Variants in GABRG3 observed in about 807,000 individuals in gnomAD.
The protein encoded by GABRG3 is gamma-aminobutyric acid type A receptor subunit gamma3, also known as gamma-aminobutyric acid receptor subunit gamma-3.
GABRG3 carries 25 observed loss-of-function variants against 48.8 expected under a neutral mutation model. That is an observed-to-expected ratio of 0.51 (90% CI 0.37 to 0.72). The LOEUF (loss-of-function observed/expected upper bound fraction) is 0.72. Ranked by LOEUF, GABRG3 falls within the 30% of genes least tolerant of loss-of-function variation. GABRG3 has a pLI of 0.00. For synonymous variants in GABRG3, 227 were observed against 217.6 expected (o/e 1.04, Z -0.38); for missense variants, 394 against 577.9 (o/e 0.68, Z 3.26).
At chr15:27,196,496 C>T (rs1469233465) in intron 3 of GABRG3, among the ~76,000 whole-genome samples, 1 of 152,190 alleles carries the variant, frequency 6.6e-6, no homozygotes, top group African/African-American at 2.4e-5. Context: ...AACCTCCTCC[C>T]CAGGGAATTA....
At chr15:27,025,667 G>A (rs1259734094) in intron 2 of GABRG3, among the ~76,000 whole-genome samples, 2 of 152,204 alleles carry the variant, frequency 1.3e-5, no homozygotes, top group Admixed American at 6.5e-5. Flanking sequence ...TTACGAGACC[G>A]AGAGCTCAGA....
chr15:27,244,105 G>T (rs550458232), intron 3 of GABRG3, among the ~76,000 whole-genome samples: 11 of 152,174 alleles, frequency 7.2e-5, no homozygotes, highest in Admixed American at 6.5e-5. Context: ...AAGAGGTAAG[G>T]TTGAAAATAT....
chr15:27,298,337 A>T (rs1246087232), intron 3 of GABRG3, among the ~76,000 whole-genome samples: 1 of 152,146 alleles, frequency 6.6e-6, no homozygotes, highest in Non-Finnish European at 1.5e-5. Flanking sequence ...TTTTGCCAAA[A>T]TCAAGGACGT....
intron 3 of GABRG3, among the ~76,000 whole-genome samples, chr15:27,237,991 A>G (rs781423827): frequency 2.6e-5 from 4 of 152,218 alleles, no homozygotes; most frequent in African/African-American, 9.7e-5. Flanking sequence ...GGGAAGAAGG[A>G]AAGAAGGAGA....
intron 3 of GABRG3, among the ~76,000 whole-genome samples, chr15:27,249,332 A>G (rs1450553081): frequency 6.6e-6 from 1 of 152,166 alleles, no homozygotes; most frequent in Non-Finnish European, 1.5e-5. Context: ...GCATCCCAGA[A>G]GCCCCCAGAT....
chr15:27,040,968 G>A (rs1896266366), intron 3 of GABRG3, among the ~76,000 whole-genome samples: 1 of 152,160 alleles, frequency 6.6e-6, no homozygotes, highest in Admixed American at 6.5e-5. Context: ...GCCTCTCTGT[G>A]AGGTGTGCTC....
rs566187070 is a variant in GABRG3 at position 27,061,653 on chromosome 15, T to A, written c.270+34832T>A. On this transcript the variant is annotated intron_variant, in intron 3 of 9. Coordinates refer to ENST00000615808, the MANE Select transcript of GABRG3 (RefSeq NM_033223.5). ...TTTCAAAGAAAATGCTCAAGTTGAT[T>A]GATGGGGCAAGTCTCCCTATCTCCT... Among the ~76,000 whole-genome samples, 3 of 152,218 alleles carry A rather than the reference T, an allele frequency of 2.0e-5. No individual in the cohort carries two copies. The South Asian group carries it at 6.2e-4, about 32-fold the overall frequency.
intron 5 of GABRG3, among the ~76,000 whole-genome samples, chr15:27,459,846 T>G (rs2150835019): frequency 6.6e-6 from 1 of 152,286 alleles, no homozygotes; most frequent in Middle Eastern, 3.4e-3. Flanking sequence ...TCCCTCTCAT[T>G]TCTTGCTAGC....
At chr15:27,030,100 G>A (rs549137617) in intron 3 of GABRG3, among the ~76,000 whole-genome samples, 7 of 152,254 alleles carry the variant, frequency 4.6e-5, no homozygotes, top group African/African-American at 7.2e-5. Context: ...ATATAAGAAA[G>A]ACTAAAACAA....
chr15:27,073,887 CA>C (rs1896867201), intron 3 of GABRG3, among the ~76,000 whole-genome samples: 1 of 152,198 alleles, frequency 6.6e-6, no homozygotes, highest in South Asian at 2.1e-4. Flanking sequence ...CTCACATCAA[CA>C]GATGGCCTTG....
At chr15:27,128,564 A>C (rs1005187750) in intron 3 of GABRG3, among the ~76,000 whole-genome samples, 2 of 152,224 alleles carry the variant, frequency 1.3e-5, no homozygotes, top group African/African-American at 4.8e-5. Flanking sequence ...TGTCACTTGC[A>C]TTGACACGTT....
At chr15:27,332,258 G>T (rs1893826010) in intron 5 of GABRG3, among the ~76,000 whole-genome samples, 1 of 152,212 alleles carries the variant, frequency 6.6e-6, no homozygotes, top group Admixed American at 6.5e-5. Context: ...GCTCATGCCT[G>T]CAATCCCAGA....
Position 27,352,519 on chromosome 15 carries a change from G to A in GABRG3, c.574+23631G>A, listed in dbSNP as rs1393577111. Among the ~76,000 whole-genome samples the A allele has an allele frequency of 6.6e-6, 1 of 152,086 alleles. No homozygotes were observed. Among genetic ancestry groups the A allele is most frequent in the Non-Finnish European group, 1.5e-5 (1 of 68,012 alleles). On this transcript the variant is annotated intron_variant, in intron 5 of 9. Transcript: ENST00000615808. The surrounding 1 kb of genome is among the most constrained non-coding windows in gnomAD (Gnocchi z 4.0). ...ATTGGATCCTAGGAATGAGAACACA[G>A]GGGCCGGCAGTGTGTCTGGATGAGG...
chr15:26,971,878 G>GGGCA (rs1894852999), intron 1 of GABRG3, among the ~76,000 whole-genome samples: 1 of 152,174 alleles, frequency 6.6e-6, no homozygotes, highest in Non-Finnish European at 1.5e-5. Context: ...CAGGTTCAGG[G>GGGCA]GGCAGGGGCC....
chr15:27,308,022 TA>T lies in GABRG3; in HGVS notation c.271-18784del, dbSNP rs1262884066. ...GTTTATAATAAACGTATATATAAAA[TA>T]AACATGTTTATATGTAAATGTATAT... On this transcript the variant is annotated intron_variant, in intron 3 of 9. Coordinates refer to ENST00000615808, the MANE Select transcript of GABRG3 (RefSeq NM_033223.5). Among the ~76,000 whole-genome samples, 4 of 138,838 alleles carry T rather than the reference TA, an allele frequency of 2.9e-5. 1 individual carries two copies. The East Asian group carries it at 8.8e-4, about 30-fold the overall frequency. 91.1% of individuals were successfully genotyped at this position (138,838 alleles called of 152,430 possible).
intron 5 of GABRG3, among the ~76,000 whole-genome samples, chr15:27,397,210 G>A (rs1887328025): frequency 6.6e-6 from 1 of 151,628 alleles, no homozygotes; most frequent in Admixed American, 6.6e-5. Flanking sequence ...CAAAGAGCTG[G>A]CCAGAGTAAC....
At chr15:27,285,153 G>A (rs1439084425) in intron 3 of GABRG3, among the ~76,000 whole-genome samples, 2 of 152,052 alleles carry the variant, frequency 1.3e-5, no homozygotes, top group African/African-American at 2.4e-5. Flanking sequence ...CTCAGCTGGT[G>A]TAGTTTCCAG....
intron 5 of GABRG3, among the ~76,000 whole-genome samples, chr15:27,349,404 C>T (rs1254564377): frequency 6.6e-6 from 1 of 152,142 alleles, no homozygotes; most frequent in African/African-American, 2.4e-5. Context: ...TGATGTCTGC[C>T]TTAACCATTG....
intron 3 of GABRG3, among the ~76,000 whole-genome samples, chr15:27,171,568 A>T (rs1180905595): frequency 6.7e-6 from 1 of 150,220 alleles, no homozygotes; most frequent in Non-Finnish European, 1.5e-5. Flanking sequence ...ATATGTATAT[A>T]TATATATAGA....
Sources: gnomAD v4.1 joint callset for allele counts (sites outside exome capture counted in the v4.1 genomes callset) on GRCh38, gnomAD v4.1.1 for gene constraint, Gnocchi (gnomAD v3.1) non-coding constraint, MANE v1.5 for transcripts, NCBI Gene and HGNC (gene_info 2026-07-23, HGNC 2026-07-21) for gene names.